The following TMEM38A variants were observed in gnomAD, a reference collection of about 807,000 sequenced individuals.
TMEM38A encodes trimeric intracellular cation channel type A.
In TMEM38A, 17 loss-of-function variants were observed where a neutral mutation model predicts 28.6. The ratio of observed to expected loss-of-function variants is 0.60; its 90% confidence interval spans 0.41 to 0.89. TMEM38A has a LOEUF of 0.89. Among genes scored for constraint, TMEM38A ranks in the 40% least tolerant of loss-of-function variants. TMEM38A has a pLI of 0.00. For missense variants in TMEM38A, 328 were observed against 393.1 expected, an observed-to-expected ratio of 0.83 and a Z score of 1.40; for synonymous variants, 169 against 166.1, an observed-to-expected ratio of 1.02 and a Z score of -0.14.
At chr19:16,687,068 C>T (rs1002950803) in intron 5 of TMEM38A, among the ~76,000 whole-genome samples, 2 of 152,098 alleles carry the variant, frequency 1.3e-5, no homozygotes, top group Admixed American at 6.6e-5. Flanking sequence ...TGGGCAGGCA[C>T]GGGGGCTCAT....
Position 16,689,124 on chromosome 19 carries a change from T to G in TMEM38A, c.*753T>G, listed in dbSNP as rs2086814977. 6.6e-6 allele frequency: 1 copy of G among 152,188 alleles called. No homozygotes were observed. Among genetic ancestry groups the G allele is most frequent in the South Asian group, 2.1e-4 (1 of 4,828 alleles). The allele number at this position is 152,188 out of a possible 1,614,324, so 9.4% of individuals were successfully genotyped here. On this transcript the variant is annotated 3_prime_UTR_variant, in exon 6 of 6. Coordinates refer to ENST00000187762, the MANE Select transcript of TMEM38A (RefSeq NM_024074.4). ...CCAGGTGCTGCCATTTCAAAGTCTC[T>G]TCTTACCACGCTCCTCAGTGGCTAG...
Position 16,661,386 on chromosome 19 carries a change from C to A in TMEM38A, c.124+45C>A. On this transcript the variant is annotated intron_variant, in intron 1 of 5. Coordinates refer to ENST00000187762, the MANE Select transcript of TMEM38A (RefSeq NM_024074.4). This position sits in a 1 kb window ranked among gnomAD's most constrained non-coding sequence, Gnocchi z 6.5. ...TGGAGGGGACCGGCAGCGGGTGGCG[C>A]GGGCCGGGGCAGCTCGGGGGTCGCA... 7.0e-7 allele frequency: 1 copy of A among 1,436,220 alleles called. No individual in the cohort carries two copies. Among genetic ancestry groups the A allele is most frequent in the Non-Finnish European group, 9.3e-7 (1 of 1,072,922 alleles). The allele number at this position is 1,436,220 out of a possible 1,614,324, so 89.0% of individuals were successfully genotyped here. A position where few individuals can be genotyped will look rare whatever the true frequency, so the allele number is the denominator to read the frequency against.
At chr19:16,685,820 A>G (rs936783960) in intron 4 of TMEM38A, among the ~76,000 whole-genome samples, 1 of 152,234 alleles carries the variant, frequency 6.6e-6, no homozygotes, top group Middle Eastern at 3.2e-3. Context: ...TCCTTGGACC[A>G]GGTTAACCCA....
At position 16,688,342 on chromosome 19, in the gene TMEM38A, A is replaced by G. The variant is rs1208310300; in HGVS notation, c.871A>G (p.Arg291Gly). 4 of 1,600,360 alleles carry G rather than the reference A, an allele frequency of 2.5e-6. No individual in the cohort carries two copies. The East Asian group carries it at 6.8e-5, about 27-fold the overall frequency. The change falls in exon 6 of 6, where the codon AGG (arginine) becomes GGG (glycine). Residue 291 changes from arginine (R) to glycine (G), a missense_variant. Physicochemically the swap from Arg to Gly is moderately radical, Grantham distance 125 (BLOSUM62 -2). Coordinates refer to ENST00000187762, the MANE Select transcript of TMEM38A (RefSeq NM_024074.4). ...KSKEELSEGS[R>G]KKKAKKAD is the part of the protein sequence containing the mutation. ...CAAGGAGGAGTTGAGCGAGGGCTCC[A>G]GGAAGAAGAAGGCCAAGAAGGCGGA...
At chr19:16,678,730 G>A (rs868203413) in intron 1 of TMEM38A, among the ~76,000 whole-genome samples, 19 of 138,358 alleles carry the variant, frequency 1.4e-4, no homozygotes, top group African/African-American at 4.3e-4. Context: ...GCACCACTGC[G>A]CTCCAGGCTG....
At chr19:16,675,177 C>A (rs2086744915) in intron 1 of TMEM38A, among the ~76,000 whole-genome samples, 1 of 152,114 alleles carries the variant, frequency 6.6e-6, no homozygotes, top group Admixed American at 6.6e-5. Context: ...AGATGATCAA[C>A]CTCTCCTTGT....
At chr19:16,687,286 C>G (rs755440981) in intron 5 of TMEM38A, among the ~76,000 whole-genome samples, 1 of 152,020 alleles carries the variant, frequency 6.6e-6, no homozygotes, top group Non-Finnish European at 1.5e-5. Context: ...GAGCTAAGAT[C>G]GCACCACCGC....
At chr19:16,678,989 A>G (rs1055809131) in intron 1 of TMEM38A, among the ~76,000 whole-genome samples, 3 of 150,196 alleles carry the variant, frequency 2.0e-5, no homozygotes, top group Middle Eastern at 3.2e-3. Context: ...TCTCTACTGA[A>G]AATACAAAAA....
chr19:16,688,172 G>A lies in TMEM38A; in HGVS notation c.701G>A (p.Ser234Asn). 2.1e-6 allele frequency: 3 copies of A among 1,461,556 alleles called. No homozygotes were observed. The highest frequency in any genetic ancestry group is 2.3e-5 in the Admixed American group (1 of 42,706). 90.5% of individuals were successfully genotyped at this position (1,461,556 alleles called of 1,614,324 possible). Residue 234 changes from serine to asparagine, a missense_variant, in exon 6 of 6, where the codon AGC (serine) becomes AAC (asparagine). Coordinates refer to ENST00000187762, the MANE Select transcript of TMEM38A (RefSeq NM_024074.4). ...KVFLTATHSH[S>N]SPFDALEGYI... Reference sequence around the variant, plus strand: ...TTTCTGACAGCCACCCACTCACACAGCTCCCCCTTTGATGCCCTGGAGGGC... The same window carrying A: ...TTTCTGACAGCCACCCACTCACACAACTCCCCCTTTGATGCCCTGGAGGGC...
chr19:16,680,150 G>T lies in TMEM38A; in HGVS notation c.281+10G>T. 1 of 1,606,082 alleles carries T rather than the reference G, an allele frequency of 6.2e-7. No homozygotes were observed. On this transcript the variant is annotated intron_variant, in intron 2 of 5. Transcript: ENST00000187762. The stretch of plus-strand genomic sequence containing the variant: ...TGGCCTCAGCTGTCTGGTAAGCCAT[G>T]CTGGGCATGGGAGAGCAGAGCCGGG...
At chr19:16,677,343 T>G (rs555390347) in intron 1 of TMEM38A, among the ~76,000 whole-genome samples, 16 of 152,140 alleles carry the variant, frequency 1.1e-4, no homozygotes, top group Non-Finnish European at 1.8e-4. Flanking sequence ...TTTATATATT[T>G]ATTATTTTTG....
In TMEM38A at chr19:16,688,439, C is replaced by A. The variant is rs1022152414; in HGVS notation, c.*68C>A. The A allele has an allele frequency of 2.4e-6, 3 of 1,276,326 alleles. No individual in the cohort carries two copies. Among genetic ancestry groups the A allele is most frequent in the Non-Finnish European group, 3.1e-6 (3 of 966,580 alleles). 79.1% of individuals were successfully genotyped at this position (1,276,326 alleles called of 1,614,324 possible). A position where few individuals can be genotyped will look rare whatever the true frequency, so the allele number is the denominator to read the frequency against. ...ACCCTCTGAGCTGGGAGGCTTCCTGCGCTCAGATCTATCCTTTCCTGGCCT... is the reference window on the plus strand; with the variant it reads ...ACCCTCTGAGCTGGGAGGCTTCCTGAGCTCAGATCTATCCTTTCCTGGCCT... On this transcript the variant is annotated 3_prime_UTR_variant, in exon 6 of 6. Transcript: ENST00000187762.
rs749286661 is a variant in TMEM38A, at chr19:16,661,390, C to G, written c.124+49C>G. The G allele has an allele frequency of 1.4e-6, 2 of 1,477,342 alleles. No individual in the cohort carries two copies. The highest frequency in any genetic ancestry group is 5.6e-5 in the East Asian group (2 of 35,874). The allele number at this position is 1,477,342 out of a possible 1,614,324, so 91.5% of individuals were successfully genotyped here. On this transcript the variant is annotated intron_variant, in intron 1 of 5. Transcript: ENST00000187762. This position sits in a 1 kb window ranked among gnomAD's most constrained non-coding sequence, Gnocchi z 6.5. ...GGGGACCGGCAGCGGGTGGCGCGGGCCGGGGCAGCTCGGGGGTCGCAGAGA... is the reference window on the plus strand; with the variant it reads ...GGGGACCGGCAGCGGGTGGCGCGGGGCGGGGCAGCTCGGGGGTCGCAGAGA...
intron 4 of TMEM38A, among the ~76,000 whole-genome samples, chr19:16,685,199 C>T (rs562320362): frequency 3.3e-5 from 5 of 152,058 alleles, no homozygotes; most frequent in Admixed American, 6.6e-5. Context: ...CCAGCCCGGC[C>T]GACATGGCGA....
intron 2 of TMEM38A, 63 bp from the exon 3 acceptor site, chr19:16,680,334 C>A: frequency 6.3e-7 from 1 of 1,584,230 alleles, no homozygotes; most frequent in Non-Finnish European, 8.7e-7. Context: ...ATAACCACAG[C>A]TCCCTACCCC....
At position 16,680,074 on chromosome 19, in the gene TMEM38A, T is replaced by C; in HGVS notation, c.215T>C (p.Leu72Pro). The change falls in exon 2 of 6, where the codon CTC becomes CCC. Residue 72 changes from leucine to proline, a missense_variant. Transcript: ENST00000187762. ...GGGAGCTACATCCTGGCTGATCTGCTCCTTGGGGAGCCACTGATCGATTAC... is the reference window on the plus strand; with the variant it reads ...GGGAGCTACATCCTGGCTGATCTGCCCCTTGGGGAGCCACTGATCGATTAC... ...CFGSYILADL[L>P]LGEPLIDYFS... 6.2e-7 allele frequency: 1 copy of C among 1,611,416 alleles called. No individual in the cohort carries two copies. The highest frequency in any genetic ancestry group is 8.5e-7 in the Non-Finnish European group (1 of 1,179,988).
chr19:16,663,758 G>T (rs1282235265), intron 1 of TMEM38A, among the ~76,000 whole-genome samples: 1 of 150,992 alleles, frequency 6.6e-6, no homozygotes, highest in Non-Finnish European at 1.5e-5. Context: ...GGATGGTCTC[G>T]ATTTCCTGAC....
chr19:16,679,916 G>A, intron 1 of TMEM38A, 68 bp from the exon 2 acceptor site: 3 of 1,507,988 alleles, frequency 2.0e-6, no homozygotes, highest in Non-Finnish European at 2.7e-6. Flanking sequence ...AGGCTGACCA[G>A]AGCATATGGG....
chr19:16,674,887 A>G (rs748144635), intron 1 of TMEM38A, among the ~76,000 whole-genome samples: 13 of 152,052 alleles, frequency 8.5e-5, no homozygotes, highest in East Asian at 3.9e-4. Flanking sequence ...TTGAACCCAT[A>G]CAATGTGTCC....
Sources: allele counts gnomAD v4.1 joint callset (sites outside exome capture counted in the v4.1 genomes callset), GRCh38; gene constraint gnomAD v4.1.1; non-coding constraint Gnocchi (gnomAD v3.1); transcripts MANE v1.5; gene names NCBI Gene and HGNC (gene_info 2026-07-23, HGNC 2026-07-21).